The following RRBP1 variants were observed in gnomAD, a reference collection of about 807,000 sequenced individuals.
RRBP1 encodes the protein ribosome-binding protein 1.
RRBP1 carries 94 observed loss-of-function variants against 165.2 expected under a neutral mutation model. That is an observed-to-expected ratio of 0.57 (90% CI 0.48 to 0.68). The LOEUF is 0.68. Among genes scored for constraint, RRBP1 ranks in the 30% least tolerant of loss-of-function variants. The pLI is 0.00. For synonymous variants in RRBP1, 680 were observed against 714.5 expected, an observed-to-expected ratio of 0.95 and a Z score of 0.77; for missense variants, 1,676 against 1,763.0, an observed-to-expected ratio of 0.95 and a Z score of 0.88.
Position 17,633,479 on chromosome 20 carries a change from T to C in RRBP1, c.2591A>G (p.Lys864Arg), listed in dbSNP as rs1381218797. The C allele has an allele frequency of 1.2e-6, 2 of 1,613,806 alleles. No individual in the cohort carries two copies. Among genetic ancestry groups the C allele is most frequent in the Non-Finnish European group, 1.7e-6 (2 of 1,180,002 alleles). The change falls in exon 8 of 25, where the codon AAG (lysine) becomes AGG (arginine). Residue 864 changes from lysine (K) to arginine (R), a missense_variant. By Grantham distance (26) the Lys-to-Arg change is conservative. Transcript: ENST00000377813. ...ALEAKAAAFE[K>R]QVLQLQASHR... Reference sequence around the variant, plus strand: ...ACTCACCTGCAGCTGCAGGACCTGCTTCTCGAAGGCAGCTGCCTTGGCTTC... The same window carrying C: ...ACTCACCTGCAGCTGCAGGACCTGCCTCTCGAAGGCAGCTGCCTTGGCTTC...
intron 12 of RRBP1, 95 bp downstream of exon 12, chr20:17,625,417 C>T (rs904368348): frequency 9.3e-7 from 1 of 1,079,038 alleles, no homozygotes; most frequent in Non-Finnish European, 1.4e-6. Flanking sequence ...CAGCCCTCCC[C>T]CGAGTCCAGG....
intron 5 of RRBP1, 23 bp from the exon 6 acceptor site, chr20:17,636,752 A>C (rs1241980460): frequency 1.2e-6 from 2 of 1,611,668 alleles, no homozygotes; most frequent in Non-Finnish European, 1.7e-6. Flanking sequence ...TAGCAGAGAG[A>C]GGGGCTGGTA....
At chr20:17,624,135 A>G (rs907002598) in intron 13 of RRBP1, among the ~76,000 whole-genome samples, 4 of 152,230 alleles carry the variant, frequency 2.6e-5, no homozygotes, top group African/African-American at 9.6e-5. Flanking sequence ...AAGCCCATCA[A>G]GGGGGCACCC....
intron 20 of RRBP1, among the ~76,000 whole-genome samples, chr20:17,617,256 A>G (rs1448443950): frequency 1.3e-5 from 2 of 152,214 alleles, no homozygotes; most frequent in Non-Finnish European, 2.9e-5. Context: ...ATGAGATAAC[A>G]TTCTTGCCTA....
intron 19 of RRBP1, 106 bp downstream of exon 19, chr20:17,619,527 A>C: frequency 1.3e-6 from 1 of 760,814 alleles, no homozygotes. Flanking sequence ...TCGGACTTCA[A>C]GGCTTATGTC....
rs150379939 is a variant in RRBP1 at position 17,642,854 on chromosome 20, A to C, written c.2061+125T>G. 2.6e-4 allele frequency: 290 copies of C among 1,116,908 alleles called. 3 individuals are homozygous for C. The African/African-American group carries it at 4.1e-3, about 16-fold the overall frequency. 69.2% of individuals were successfully genotyped at this position (1,116,908 alleles called of 1,614,324 possible). ...GCGAGCGATCCCTCGGGGTGGCAGA[A>C]TTCTGCCAGGAAAGAGAAGTGGAGG... On this transcript the variant is annotated intron_variant, in intron 4 of 24. Coordinates refer to ENST00000377813, the MANE Select transcript of RRBP1 (RefSeq NM_001365613.2).
chr20:17,628,784 C>A (rs575610332), intron 9 of RRBP1, among the ~76,000 whole-genome samples: 2 of 152,392 alleles, frequency 1.3e-5, no homozygotes, highest in South Asian at 4.1e-4. Flanking sequence ...TAAAGCCATG[C>A]CCAGCCCTCT....
Position 17,627,343 on chromosome 20 carries a change from C to T in RRBP1, c.2963+5G>A. ...GTGAGCAGGCAGGCTGCTTCCCCAG[C>T]TTACCGAGTCTGCTGCTGGTCAGCC... On this transcript the variant is annotated splice_donor_5th_base_variant and intron_variant, in intron 11 of 24. Coordinates refer to ENST00000377813, the MANE Select transcript of RRBP1 (RefSeq NM_001365613.2). 1 of 1,613,228 alleles carries T rather than the reference C, an allele frequency of 6.2e-7. No homozygotes were observed. Among genetic ancestry groups the T allele is most frequent in the Non-Finnish European group, 8.5e-7 (1 of 1,179,918 alleles).
At chr20:17,622,306 G>T (rs1178109337) in intron 13 of RRBP1, among the ~76,000 whole-genome samples, 1 of 152,198 alleles carries the variant, frequency 6.6e-6, no homozygotes, top group Non-Finnish European at 1.5e-5. Context: ...GGGAATTTGG[G>T]GGGTCCGCAG....
chr20:17,635,418 A>T (rs898133608), intron 7 of RRBP1, 128 bp downstream of exon 7: 11 of 677,812 alleles, frequency 1.6e-5, no homozygotes, highest in East Asian at 8.4e-5. Flanking sequence ...ATGGAAGGTC[A>T]GGACGGCTCC....
At chr20:17,642,700 G>A (rs995011390) in intron 4 of RRBP1, among the ~76,000 whole-genome samples, 1 of 152,130 alleles carries the variant, frequency 6.6e-6, no homozygotes, top group Admixed American at 6.5e-5. Context: ...TCTGCACCCT[G>A]AGCTGTGGCC....
At chr20:17,650,585 A>G (rs2036537169) in intron 3 of RRBP1, among the ~76,000 whole-genome samples, 1 of 152,236 alleles carries the variant, frequency 6.6e-6, no homozygotes, top group Non-Finnish European at 1.5e-5. Flanking sequence ...CCCCTGAGTG[A>G]CGTGCTAGCA....
chr20:17,634,701 T>C (rs904028965), intron 7 of RRBP1, among the ~76,000 whole-genome samples: 14 of 152,058 alleles, frequency 9.2e-5, no homozygotes, highest in African/African-American at 3.4e-4. Flanking sequence ...GCCAGAGAAT[T>C]TCTCAGTCCC....
chr20:17,671,912 T>C (rs1035741293), intron 2 of RRBP1, among the ~76,000 whole-genome samples: 2 of 152,294 alleles, frequency 1.3e-5, no homozygotes, highest in African/African-American at 4.8e-5. Context: ...GCCTATTCTA[T>C]CACCAGAAAC....
At chr20:17,671,911 A>T (rs2036986883) in intron 2 of RRBP1, among the ~76,000 whole-genome samples, 1 of 152,204 alleles carries the variant, frequency 6.6e-6, no homozygotes, top group Non-Finnish European at 1.5e-5. Context: ...AGCCTATTCT[A>T]TCACCAGAAA....
intron 2 of RRBP1, among the ~76,000 whole-genome samples, chr20:17,671,703 G>A (rs1461304136): frequency 6.6e-6 from 1 of 152,148 alleles, no homozygotes; most frequent in Non-Finnish European, 1.5e-5. Context: ...TCTGCCCCCT[G>A]CGCCTGGAGA....
In RRBP1 at chr20:17,643,222, G is replaced by A. The variant is rs544815229; in HGVS notation, c.1913-95C>T. On this transcript the variant is annotated intron_variant, in intron 3 of 24. Transcript: ENST00000377813. The surrounding 1 kb of genome is among the most constrained non-coding windows in gnomAD (Gnocchi z 4.3). Reference sequence around the variant, plus strand: ...TCACACCAAGAAGGTTCTGGTCACAGCCACGAAGAGCTCTCTGACTGCTTG... The same window carrying A: ...TCACACCAAGAAGGTTCTGGTCACAACCACGAAGAGCTCTCTGACTGCTTG... 3.1e-6 allele frequency: 4 copies of A among 1,297,286 alleles called. No homozygotes were observed. Among genetic ancestry groups the A allele is most frequent in the African/African-American group, 2.9e-5 (2 of 68,340 alleles). 80.4% of individuals were successfully genotyped at this position (1,297,286 alleles called of 1,614,324 possible). A position where few individuals can be genotyped will look rare whatever the true frequency, so the allele number is the denominator to read the frequency against.
chr20:17,614,618 C>T, intron 24 of RRBP1, 119 bp downstream of exon 24: 2 of 1,332,702 alleles, frequency 1.5e-6, no homozygotes, highest in Non-Finnish European at 2.0e-6. Flanking sequence ...CCTGGGGCTC[C>T]CAGCCCAGCG....
At chr20:17,662,237 T>C (rs182640999) in intron 2 of RRBP1, among the ~76,000 whole-genome samples, 28 of 149,080 alleles carry the variant, frequency 1.9e-4, no homozygotes, top group African/African-American at 5.5e-4. Flanking sequence ...CACTCTAGCC[T>C]GGGCGACAGA....
Sources: allele counts gnomAD v4.1 joint callset (sites outside exome capture counted in the v4.1 genomes callset), GRCh38; gene constraint gnomAD v4.1.1; non-coding constraint Gnocchi (gnomAD v3.1); transcripts MANE v1.5; gene names NCBI Gene and HGNC (gene_info 2026-07-23, HGNC 2026-07-21).